Variants in CCDC88C observed in about 807,000 individuals in gnomAD.
The protein encoded by CCDC88C is protein Daple.
Under a neutral mutation model 198.8 loss-of-function variants are expected in CCDC88C, and 131 were observed. The ratio of observed to expected loss-of-function variants is 0.66; its 90% confidence interval spans 0.57 to 0.76. The LOEUF (loss-of-function observed/expected upper bound fraction) is 0.76, where lower values mean the gene tolerates loss of function less well. CCDC88C is among the 30% of genes least tolerant of loss of function. CCDC88C has a pLI of 0.00. For missense variants in CCDC88C, 2,553 were observed against 2,631.6 expected, an observed-to-expected ratio of 0.97 and a Z score of 0.65; for synonymous variants, 1,166 against 1,114.7, an observed-to-expected ratio of 1.05 and a Z score of -0.92.
intron 3 of CCDC88C, among the ~76,000 whole-genome samples, chr14:91,399,097 T>G (rs1886019781): frequency 6.6e-6 from 1 of 152,174 alleles, no homozygotes; most frequent in African/African-American, 2.4e-5. Flanking sequence ...CCATGTGCTC[T>G]GCCCAGCCCT....
chr14:91,346,135 T>C (rs937445756), intron 4 of CCDC88C, among the ~76,000 whole-genome samples: 3 of 152,206 alleles, frequency 2.0e-5, no homozygotes, highest in Admixed American at 6.5e-5. Context: ...TTCAGATCCC[T>C]GGGTATAAGT....
intron 2 of CCDC88C, among the ~76,000 whole-genome samples, chr14:91,413,481 G>GAAAAACGTGTCCAAAGTTAACCATC (rs1886892157): frequency 1.3e-5 from 2 of 152,164 alleles, no homozygotes. Flanking sequence ...ACAAGAGAAT[G>GAAAAACGTGTCCAAAGTTAACCATC]AAAAACGTGT....
chr14:91,283,644 C>T (rs1890290772), intron 25 of CCDC88C, 127 bp from the exon 26 acceptor site: 2 of 901,048 alleles, frequency 2.2e-6, no homozygotes, highest in South Asian at 3.5e-5. Context: ...GGGGCTGCCA[C>T]AGCTCTCGGG....
At chr14:91,308,962 C>T (rs1303920367) in intron 16 of CCDC88C, among the ~76,000 whole-genome samples, 2 of 152,224 alleles carry the variant, frequency 1.3e-5, no homozygotes, top group African/African-American at 2.4e-5. Context: ...CACAGTGGCT[C>T]ATGCCTGTAA....
chr14:91,411,769 C>T (rs1886800543), intron 2 of CCDC88C, among the ~76,000 whole-genome samples: 1 of 152,090 alleles, frequency 6.6e-6, no homozygotes, highest in Non-Finnish European at 1.5e-5. Context: ...TCGAGACCAG[C>T]CTGGCCAACA....
At position 91,395,911 on chromosome 14, in the gene CCDC88C, C is replaced by G. The variant is rs143788606; in HGVS notation, c.270+12748G>C. On this transcript the variant is annotated intron_variant, in intron 3 of 29. Transcript: ENST00000389857. Reference sequence around the variant, plus strand: ...CTTTATCTGAAATCTCTGCCTCCCCCCTAAATACCACCAACTCAGAACTGG... The same window carrying G: ...CTTTATCTGAAATCTCTGCCTCCCCGCTAAATACCACCAACTCAGAACTGG... Among the ~76,000 whole-genome samples, 240 of 152,334 alleles carry G rather than the reference C, an allele frequency of 1.6e-3. 1 individual carries two copies. The highest frequency in any genetic ancestry group is 5.2e-3 in the African/African-American group (216 of 41,562).
intron 5 of CCDC88C, among the ~76,000 whole-genome samples, chr14:91,343,344 A>G (rs1893383012): frequency 6.6e-6 from 1 of 152,158 alleles, no homozygotes; most frequent in Non-Finnish European, 1.5e-5. Flanking sequence ...AGTGATTCCT[A>G]CGCTGGGGAC....
In CCDC88C at chr14:91,284,343, T is replaced by C. The variant is rs1890316138; in HGVS notation, c.4442-826A>G. 6.6e-6 allele frequency among the ~76,000 whole-genome samples: 1 copy of C among 152,162 alleles called. No individual in the cohort carries two copies. On this transcript the variant is annotated intron_variant, in intron 25 of 29. Transcript: ENST00000389857. The surrounding 1 kb of genome is among the most constrained non-coding windows in gnomAD (Gnocchi z 4.1). Reference sequence around the variant, plus strand: ...TCAAGCCGTCTGCCCTCCCAGCCACTCAAAGTCTGGGCTCACTGTGCAGTT... The same window carrying C: ...TCAAGCCGTCTGCCCTCCCAGCCACCCAAAGTCTGGGCTCACTGTGCAGTT...
chr14:91,276,168 A>T (rs1176578415), intron 29 of CCDC88C, among the ~76,000 whole-genome samples: 1 of 152,206 alleles, frequency 6.6e-6, no homozygotes, highest in Non-Finnish European at 1.5e-5. Flanking sequence ...CAAGACCATT[A>T]TCTGGAATTT....
At chr14:91,346,105 G>A (rs1406869898) in intron 4 of CCDC88C, among the ~76,000 whole-genome samples, 3 of 152,242 alleles carry the variant, frequency 2.0e-5, no homozygotes, top group Non-Finnish European at 2.9e-5. Context: ...GCCGTCCTGA[G>A]AACCAATGCT....
intron 3 of CCDC88C, among the ~76,000 whole-genome samples, chr14:91,373,121 G>A (rs1894900795): frequency 6.6e-6 from 1 of 152,156 alleles, no homozygotes; most frequent in African/African-American, 2.4e-5. Flanking sequence ...AGATCCCCAG[G>A]AATGCACAAA....
chr14:91,330,188 G>A (rs1892759613), intron 10 of CCDC88C, among the ~76,000 whole-genome samples: 1 of 152,378 alleles, frequency 6.6e-6, no homozygotes, highest in South Asian at 2.1e-4. Flanking sequence ...CACGTGATGA[G>A]CACTGCCTGC....
rs1380702121 is a variant in CCDC88C at position 91,288,886 on chromosome 14, A to G, written c.4441+219T>C. On this transcript the variant is annotated intron_variant, in intron 25 of 29. Coordinates refer to ENST00000389857, the MANE Select transcript of CCDC88C (RefSeq NM_001080414.4). The surrounding 1 kb of genome is among the most constrained non-coding windows in gnomAD (Gnocchi z 4.2). ...AACAAGAGTGAAACTCCATCTCAAA[A>G]AAATTAAAATAAAATATAAAATAAA... The G allele has an allele frequency of 2.1e-6, 1 of 471,758 alleles. No homozygotes were observed. Among genetic ancestry groups the G allele is most frequent in the African/African-American group, 2.0e-5 (1 of 50,856 alleles). The allele number at this position is 471,758 out of a possible 1,614,324, so 29.2% of individuals were successfully genotyped here. A position where few individuals can be genotyped will look rare whatever the true frequency, so the allele number is the denominator to read the frequency against.
In CCDC88C at chr14:91,342,897, C is replaced by A. The variant is rs149797590; in HGVS notation, c.400-434G>T. The stretch of plus-strand genomic sequence containing the variant: ...TGGCCTCTGTCACAACTACTCAGCT[C>A]TGTCGCTGTAGTGGCAAACCAGCCA... On this transcript the variant is annotated intron_variant, in intron 5 of 29. Coordinates refer to ENST00000389857, the MANE Select transcript of CCDC88C (RefSeq NM_001080414.4). Among the ~76,000 whole-genome samples the A allele has an allele frequency of 3.0e-3, 460 of 152,348 alleles. 6 individuals are homozygous for A. Among genetic ancestry groups the A allele is most frequent in the African/African-American group, 0.01 (436 of 41,588 alleles).
intron 3 of CCDC88C, among the ~76,000 whole-genome samples, chr14:91,394,310 C>T (rs991341347): frequency 6.6e-6 from 1 of 152,216 alleles, no homozygotes; most frequent in African/African-American, 2.4e-5. Context: ...GCCCAGCCCC[C>T]TCACTGCATT....
At position 91,284,729 on chromosome 14, in the gene CCDC88C, G is replaced by C. The variant is rs1421223224; in HGVS notation, c.4442-1212C>G. Among the ~76,000 whole-genome samples, 1 of 152,210 alleles carries C rather than the reference G, an allele frequency of 6.6e-6. No individual in the cohort carries two copies. Among genetic ancestry groups the C allele is most frequent in the Non-Finnish European group, 1.5e-5 (1 of 68,044 alleles). ...ATGTGTTTATTCTTATGATTACCTT[G>C]TTTTTATGATGATATGTGTGTTTTC... On this transcript the variant is annotated intron_variant, in intron 25 of 29. Transcript: ENST00000389857. The surrounding 1 kb of genome is among the most constrained non-coding windows in gnomAD (Gnocchi z 4.1).
At chr14:91,392,159 C>T (rs899428570) in intron 3 of CCDC88C, among the ~76,000 whole-genome samples, 5 of 152,114 alleles carry the variant, frequency 3.3e-5, no homozygotes, top group African/African-American at 4.8e-5. Flanking sequence ...CCCACGAACA[C>T]GGCCACCTCC....
intron 14 of CCDC88C, 41 bp downstream of exon 14, chr14:91,315,609 G>A (rs1892059876): frequency 4.3e-6 from 7 of 1,609,480 alleles, no homozygotes; most frequent in East Asian, 2.2e-5. Context: ...CGTCTTGCAG[G>A]CAGGGGTTCT....
At position 91,272,700 on chromosome 14, in the gene CCDC88C, G is replaced by T. The variant is rs773200126; in HGVS notation, c.6012C>A (p.Val2004=). 11 of 1,611,528 alleles carry T rather than the reference G, an allele frequency of 6.8e-6. No individual in the cohort carries two copies. In the Admixed American group the frequency reaches 1.8e-4, roughly 27 times the overall value. The part of the protein sequence containing the change: ...RALEDCSRGS[V]SKSSPASPEP... ...CCGGGGAGGCCGGACTGCTCTTTGA[G>T]ACGCTCCCTCGACTGCAGTCCTCCA... is the stretch of plus-strand genomic sequence containing the variant. Residue 2004 remains valine (V), a synonymous_variant, in exon 30 of 30, where the codon GTC becomes GTA. Transcript: ENST00000389857.
Sources: allele counts gnomAD v4.1 joint callset (sites outside exome capture counted in the v4.1 genomes callset), GRCh38; gene constraint gnomAD v4.1.1; non-coding constraint Gnocchi (gnomAD v3.1); transcripts MANE v1.5; gene names NCBI Gene and HGNC (gene_info 2026-07-23, HGNC 2026-07-21).